The following IFNG-AS1 variants were observed in gnomAD, a reference collection of about 807,000 sequenced individuals.
IFNG-AS1 encodes the protein IFNG regulatory antisense RNA 1.
chr12:68,008,233 G>A (rs1481633863), intron 3 of IFNG-AS1, among the ~76,000 whole-genome samples: 3 of 152,078 alleles, frequency 2.0e-5, no homozygotes, highest in Non-Finnish European at 2.9e-5. Flanking sequence ...TGGCTAACAC[G>A]GTGAAACCCC....
intron 2 of IFNG-AS1, among the ~76,000 whole-genome samples, chr12:68,002,074 G>C (rs941306142): frequency 6.6e-6 from 1 of 152,080 alleles, no homozygotes; most frequent in Non-Finnish European, 1.5e-5. Context: ...TTCCTCTCCC[G>C]GTAATGTTTG....
chr12:68,012,076 G>A (rs1233347333), intron 3 of IFNG-AS1, among the ~76,000 whole-genome samples: 1 of 152,104 alleles, frequency 6.6e-6, no homozygotes, highest in Admixed American at 6.6e-5. Context: ...GCTCAGTAGT[G>A]TGGCATGGAA....
intron 3 of IFNG-AS1, among the ~76,000 whole-genome samples, chr12:68,010,435 G>A (rs1880000009): frequency 6.6e-6 from 1 of 152,260 alleles, no homozygotes; most frequent in Admixed American, 6.5e-5. Flanking sequence ...GTCTCTGCAT[G>A]CCTCATCTTC....
intron 2 of IFNG-AS1, among the ~76,000 whole-genome samples, chr12:68,001,889 G>C (rs1374846651): frequency 6.6e-6 from 1 of 152,050 alleles, no homozygotes; most frequent in East Asian, 1.9e-4. Flanking sequence ...CATGCACTGA[G>C]GGCCACAGAC....
intron 3 of IFNG-AS1, among the ~76,000 whole-genome samples, chr12:68,011,199 G>A (rs946406162): frequency 3.9e-5 from 6 of 152,144 alleles, no homozygotes; most frequent in South Asian, 4.2e-4. Context: ...CCATCTCATC[G>A]TGCTCTCTGT....
At chr12:68,015,203 C>T (rs1055640652) in intron 3 of IFNG-AS1, among the ~76,000 whole-genome samples, 2 of 152,118 alleles carry the variant, frequency 1.3e-5, no homozygotes, top group African/African-American at 4.8e-5. Flanking sequence ...TTTTAGCTGA[C>T]AATGCAGGCA....
At chr12:67,989,844 C>T (rs55853686) in intron 1 of IFNG-AS1, among the ~76,000 whole-genome samples, 6,649 of 152,154 alleles carry the variant, frequency 0.044, 201 homozygotes, top group Non-Finnish European at 0.06. Flanking sequence ...TCAGGAAGCT[C>T]ACAAACCCTT....
chr12:67,997,598 T>G (rs1225169359), intron 2 of IFNG-AS1, among the ~76,000 whole-genome samples: 1 of 151,594 alleles, frequency 6.6e-6, no homozygotes, highest in Non-Finnish European at 1.5e-5. Flanking sequence ...GGGAAAGATT[T>G]TCTAACCATG....
intron 3 of IFNG-AS1, among the ~76,000 whole-genome samples, chr12:68,017,875 A>G (rs1202146028): frequency 6.6e-6 from 1 of 152,178 alleles, no homozygotes; most frequent in African/African-American, 2.4e-5. Flanking sequence ...ATAAAATGGA[A>G]ATAACTGGTT....
chr12:68,010,756 T>C (rs529986646), intron 3 of IFNG-AS1, among the ~76,000 whole-genome samples: 1 of 152,236 alleles, frequency 6.6e-6, no homozygotes, highest in African/African-American at 2.4e-5. Context: ...ATTAGGGAAG[T>C]GAGAGAAAAA....
intron 3 of IFNG-AS1, among the ~76,000 whole-genome samples, chr12:68,010,503 A>C (rs915078853): frequency 6.6e-6 from 1 of 152,106 alleles, no homozygotes; most frequent in Non-Finnish European, 1.5e-5. Flanking sequence ...CCTTGCCACA[A>C]TCACACACTT....
chr12:67,992,545 C>T (rs1055262883), intron 1 of IFNG-AS1, among the ~76,000 whole-genome samples: 4 of 152,158 alleles, frequency 2.6e-5, no homozygotes, highest in Non-Finnish European at 5.9e-5. Context: ...TTCTCTACAT[C>T]CTTGCCCACG....
chr12:67,995,436 A>AAG (rs1252461772), intron 1 of IFNG-AS1, among the ~76,000 whole-genome samples: 34 of 148,796 alleles, frequency 2.3e-4, no homozygotes, highest in African/African-American at 6.7e-4. Context: ...AAAAAAAAAA[A>AAG]AAAGGGCCGC....
intron 3 of IFNG-AS1, among the ~76,000 whole-genome samples, chr12:68,007,103 A>G (rs1879923250): frequency 6.6e-6 from 1 of 152,234 alleles, no homozygotes; most frequent in Admixed American, 6.5e-5. Flanking sequence ...AAGCCAGACT[A>G]CATGGGTTCA....
At chr12:68,010,592 C>T (rs1234295449) in intron 3 of IFNG-AS1, among the ~76,000 whole-genome samples, 1 of 152,108 alleles carries the variant, frequency 6.6e-6, no homozygotes, top group Non-Finnish European at 1.5e-5. Flanking sequence ...CCAAGTTTAC[C>T]TTTTAGGTCT....
intron 3 of IFNG-AS1, among the ~76,000 whole-genome samples, chr12:68,011,172 A>T (rs1880018002): frequency 6.6e-6 from 1 of 152,242 alleles, no homozygotes; most frequent in Non-Finnish European, 1.5e-5. Context: ...GACCAGAGGC[A>T]TATATAAAAT....
chr12:67,993,114 A>G (rs1225831939), intron 1 of IFNG-AS1, among the ~76,000 whole-genome samples: 1 of 152,238 alleles, frequency 6.6e-6, no homozygotes, highest in Non-Finnish European at 1.5e-5. Context: ...TCACTTTGAT[A>G]AATCTCTGAT....
intron 3 of IFNG-AS1, among the ~76,000 whole-genome samples, chr12:68,009,840 AC>A (rs1879986440): frequency 2.6e-5 from 4 of 152,188 alleles, no homozygotes; most frequent in African/African-American, 9.7e-5. Context: ...AGCAGTACTC[AC>A]TGTGGTCAGA....
chr12:67,993,825 C>G (rs1879572603), intron 1 of IFNG-AS1, among the ~76,000 whole-genome samples: 2 of 152,048 alleles, frequency 1.3e-5, no homozygotes, highest in Non-Finnish European at 2.9e-5. Context: ...TTTCTTTTTG[C>G]AAACTCTTTC....
Sources: allele counts gnomAD v4.1 joint callset (sites outside exome capture counted in the v4.1 genomes callset), GRCh38; gene constraint gnomAD v4.1.1; transcripts MANE v1.5; gene names NCBI Gene and HGNC (gene_info 2026-07-23, HGNC 2026-07-21).